Variants in SUN5 observed in about 807,000 individuals in gnomAD.
SUN5 encodes the protein SUN domain-containing protein 5.
Under a neutral mutation model 53.7 loss-of-function variants are expected in SUN5, and 44 were observed. That is an observed-to-expected ratio of 0.82 (90% CI 0.64 to 1.05). The LOEUF is 1.05. Among genes scored for constraint, SUN5 ranks in the 50% least tolerant of loss-of-function variants. The probability of loss-of-function intolerance (pLI) is 0.00; values close to 1 mark genes in which losing one functional copy is unlikely to be tolerated. For synonymous variants in SUN5, 166 were observed against 179.8 expected, an observed-to-expected ratio of 0.92 and a Z score of 0.62; for missense variants, 433 against 483.8, an observed-to-expected ratio of 0.90 and a Z score of 0.98.
intron 8 of SUN5, among the ~76,000 whole-genome samples, chr20:32,990,379 T>C (rs1989679432): frequency 6.6e-6 from 1 of 152,186 alleles, no homozygotes; most frequent in Non-Finnish European, 1.5e-5. Flanking sequence ...ATTAGACTCT[T>C]CACAGTGGTG....
intron 6 of SUN5, among the ~76,000 whole-genome samples, chr20:32,996,663 T>C (rs1989859442): frequency 7.8e-6 from 1 of 127,818 alleles, no homozygotes; most frequent in Non-Finnish European, 1.6e-5. Flanking sequence ...TACACTCCAA[T>C]CCATATACCC....
At chr20:32,993,175 C>A (rs989939373) in intron 8 of SUN5, among the ~76,000 whole-genome samples, 1 of 152,198 alleles carries the variant, frequency 6.6e-6, no homozygotes, top group African/African-American at 2.4e-5. Context: ...TGGGAAATCA[C>A]CAATTTAGTC....
chr20:32,987,475 G>A lies in SUN5; in HGVS notation c.729+185C>T, dbSNP rs574570097. 6.9e-5 allele frequency among the ~76,000 whole-genome samples: 8 copies of A among 116,370 alleles called. No homozygotes were observed. The Admixed American group carries it at 9.0e-4, about 13-fold the overall frequency. 76.3% of individuals were successfully genotyped at this position (116,370 alleles called of 152,430 possible). A position where few individuals can be genotyped will look rare whatever the true frequency, so the allele number is the denominator to read the frequency against. On this transcript the variant is annotated intron_variant, in intron 10 of 12. Transcript: ENST00000356173. ...CCGCCTTCTCCCCAGCCCCCGCCTT[G>A]TCAGTAGCCCCCTCCTTCTGCTCCC... is the stretch of plus-strand genomic sequence containing the variant.
At chr20:32,984,020 G>T in intron 12 of SUN5, 71 bp from the exon 13 acceptor site, 1 of 1,427,142 alleles carries the variant, frequency 7.0e-7, no homozygotes, top group South Asian at 1.7e-5. Context: ...GGTGGGGAGT[G>T]GAAGGGAAGT....
At chr20:32,986,700 C>T (rs1335755400) in intron 10 of SUN5, among the ~76,000 whole-genome samples, 1 of 152,166 alleles carries the variant, frequency 6.6e-6, no homozygotes, top group Non-Finnish European at 1.5e-5. Flanking sequence ...CAGGCTGGAG[C>T]TGGGAGAGGG....
At chr20:32,989,276 G>A (rs2146326406) in intron 9 of SUN5, among the ~76,000 whole-genome samples, 1 of 152,278 alleles carries the variant, frequency 6.6e-6, no homozygotes, top group South Asian at 2.1e-4. Context: ...TTGCTGACCT[G>A]TGTGCCCAGC....
chr20:33,002,668 A>T lies in SUN5; in HGVS notation c.137-7T>A. 6.2e-7 allele frequency: 1 copy of T among 1,614,216 alleles called. No homozygotes were observed. Among genetic ancestry groups the T allele is most frequent in the Non-Finnish European group, 8.5e-7 (1 of 1,180,018 alleles). ...GGCAACAGGATGTTGTCATCTGCAG[A>T]GAGCACAGGACTGTCATGTCACTGC... On this transcript the variant is annotated splice_polypyrimidine_tract_variant and splice_region_variant and intron_variant, in intron 2 of 12. Transcript: ENST00000356173.
At chr20:32,988,885 A>G (rs533943276) in intron 9 of SUN5, among the ~76,000 whole-genome samples, 1 of 150,128 alleles carries the variant, frequency 6.7e-6, no homozygotes, top group Non-Finnish European at 1.5e-5. Context: ...CACCAAGCCC[A>G]GCCCTGAAGC....
chr20:32,986,517 ACAGTGGATGCTAGCC>A (rs1016953796), intron 10 of SUN5, among the ~76,000 whole-genome samples: 18 of 152,182 alleles, frequency 1.2e-4, no homozygotes, highest in African/African-American at 4.1e-4. Flanking sequence ...CCTTATTTGA[ACAGTGGATGCTAGCC>A]CAGGGGTGCA....
chr20:32,995,731 A>G lies in SUN5; in HGVS notation c.426-4T>C, dbSNP rs1989830723. 2 of 1,613,418 alleles carry G rather than the reference A, an allele frequency of 1.2e-6. No individual in the cohort carries two copies. The highest frequency in any genetic ancestry group is 1.7e-6 in the Non-Finnish European group (2 of 1,179,414). On this transcript the variant is annotated splice_polypyrimidine_tract_variant and splice_region_variant and intron_variant, in intron 7 of 12. Coordinates refer to ENST00000356173, the MANE Select transcript of SUN5 (RefSeq NM_080675.4). ...TCGCACCTTCTCCTGGTACAACCTT[A>G]TCAGGAAGGAGTGATAACAAGAACA...
At chr20:32,999,457 G>C (rs1989940638) in intron 5 of SUN5, among the ~76,000 whole-genome samples, 1 of 152,208 alleles carries the variant, frequency 6.6e-6, no homozygotes, top group African/African-American at 2.4e-5. Context: ...GCAGGGTGTG[G>C]TGGCGCGCGC....
intron 9 of SUN5, among the ~76,000 whole-genome samples, chr20:32,988,675 G>A (rs973805719): frequency 1.3e-5 from 2 of 151,538 alleles, no homozygotes; most frequent in Non-Finnish European, 2.9e-5. Flanking sequence ...CGCAACCTCC[G>A]TCCCCCAGGT....
chr20:32,985,134 G>C lies in SUN5; in HGVS notation c.949C>G (p.Gln317Glu), dbSNP rs762963648. 10 of 1,613,982 alleles carry C rather than the reference G, an allele frequency of 6.2e-6. No individual in the cohort carries two copies. The highest frequency in any genetic ancestry group is 8.5e-6 in the Non-Finnish European group (10 of 1,179,992). ...EEVFLGAFQF[Q>E]PENIIQMFPL... is the part of the protein sequence containing the mutation. ...AACATCTGGATGATGTTTTCTGGCT[G>C]AAACTGAAATGCCCCCAGGAACACC... Residue 317 changes from glutamine (Q) to glutamate (E), a missense_variant, in exon 12 of 13, where the codon CAG becomes GAG. Coordinates refer to ENST00000356173, the MANE Select transcript of SUN5 (RefSeq NM_080675.4).
intron 7 of SUN5, 94 bp downstream of exon 7, chr20:32,996,230 T>C (rs1256095350): frequency 4.6e-6 from 6 of 1,314,296 alleles, no homozygotes; most frequent in Non-Finnish European, 6.5e-6. Flanking sequence ...TTGATCTGAC[T>C]GCAGAGCCTA....
intron 12 of SUN5, among the ~76,000 whole-genome samples, chr20:32,984,276 C>T (rs1440532685): frequency 6.6e-6 from 1 of 152,158 alleles, no homozygotes; most frequent in African/African-American, 2.4e-5. Context: ...GTAATATCTG[C>T]TTCCCAGGAT....
chr20:32,988,196 G>A (rs987461686), intron 9 of SUN5, among the ~76,000 whole-genome samples: 3 of 152,106 alleles, frequency 2.0e-5, no homozygotes, highest in African/African-American at 7.2e-5. Context: ...CGCTCCCCAC[G>A]TAACAGTCTT....
At chr20:32,996,536 T>G (rs1989852913) in intron 6 of SUN5, among the ~76,000 whole-genome samples, 178 bp from the exon 7 acceptor site, 2 of 152,180 alleles carry the variant, frequency 1.3e-5, no homozygotes, top group African/African-American at 4.8e-5. Flanking sequence ...ACTGCCCTTT[T>G]TATTCATCCT....
intron 4 of SUN5, among the ~76,000 whole-genome samples, chr20:33,000,725 G>A (rs376179475): frequency 6.6e-6 from 1 of 151,886 alleles, no homozygotes; most frequent in African/African-American, 2.4e-5. Flanking sequence ...TGTGCCTGTA[G>A]TCCCAGCTAC....
intron 11 of SUN5, 57 bp downstream of exon 11, chr20:32,985,679 C>G: frequency 2.3e-5 from 36 of 1,582,172 alleles, no homozygotes; most frequent in Non-Finnish European, 3.0e-5. Flanking sequence ...CCTGGAATAT[C>G]ACCATTGGAA....
Sources: gnomAD v4.1 joint callset for allele counts (sites outside exome capture counted in the v4.1 genomes callset) on GRCh38, gnomAD v4.1.1 for gene constraint, MANE v1.5 for transcripts, NCBI Gene and HGNC (gene_info 2026-07-23, HGNC 2026-07-21) for gene names.